Variants in ADGRB3 observed in about 807,000 individuals in gnomAD.
The protein encoded by ADGRB3 is brain-specific angiogenesis inhibitor 3.
Under a neutral mutation model 193.4 loss-of-function variants are expected in ADGRB3, and 37 were observed. That is an observed-to-expected ratio of 0.19 (90% confidence interval 0.15 to 0.25). ADGRB3 has a LOEUF of 0.25. Ranked by LOEUF, ADGRB3 falls within the 10% of genes least tolerant of loss-of-function variation. The probability of loss-of-function intolerance (pLI) is 1.00; values close to 1 mark genes in which losing one functional copy is unlikely to be tolerated. For missense variants in ADGRB3, 1,637 were observed against 1,852.9 expected (o/e 0.88, Z 2.14); for synonymous variants, 690 against 644.2 (o/e 1.07, Z -1.08).
chr6:68,914,999 A>T (rs1027766187), intron 3 of ADGRB3, among the ~76,000 whole-genome samples: 1 of 152,212 alleles, frequency 6.6e-6, no homozygotes, highest in Non-Finnish European at 1.5e-5. Context: ...TTCTCTGTTA[A>T]TCATATTTGA....
At chr6:69,169,557 GATTAA>G (rs1775220572) in intron 17 of ADGRB3, among the ~76,000 whole-genome samples, 1 of 149,468 alleles carries the variant, frequency 6.7e-6, no homozygotes, top group Non-Finnish European at 1.5e-5. Context: ...CACGAATTGT[GATTAA>G]ATTATCATTT....
intron 17 of ADGRB3, among the ~76,000 whole-genome samples, chr6:69,082,267 C>T (rs1772409382): frequency 6.6e-6 from 1 of 151,908 alleles, no homozygotes; most frequent in South Asian, 2.1e-4. Context: ...GATTATACAT[C>T]ATATTGAAGT....
intron 11 of ADGRB3, among the ~76,000 whole-genome samples, chr6:68,998,709 G>T (rs1582382465): frequency 6.6e-6 from 1 of 152,196 alleles, no homozygotes; most frequent in African/African-American, 2.4e-5. Context: ...AGTAAAAAGA[G>T]AAAAAACAAA....
chr6:68,922,792 C>A (rs1767080686), intron 3 of ADGRB3, among the ~76,000 whole-genome samples: 1 of 152,078 alleles, frequency 6.6e-6, no homozygotes, highest in African/African-American at 2.4e-5. Flanking sequence ...AACCTTCATC[C>A]CAGTTAAAAT....
At chr6:69,214,597 T>G (rs1765736053) in intron 17 of ADGRB3, among the ~76,000 whole-genome samples, 1 of 151,910 alleles carries the variant, frequency 6.6e-6, no homozygotes, top group South Asian at 2.1e-4. Context: ...CTACTTAGGT[T>G]TAAAATTACG....
At chr6:69,013,291 C>G (rs1758913479) in intron 11 of ADGRB3, among the ~76,000 whole-genome samples, 1 of 152,062 alleles carries the variant, frequency 6.6e-6, no homozygotes, top group African/African-American at 2.4e-5. Context: ...AAATGACCTT[C>G]CTGCATGAAA....
chr6:68,760,408 G>A (rs973147034), intron 3 of ADGRB3, among the ~76,000 whole-genome samples: 13 of 152,182 alleles, frequency 8.5e-5, no homozygotes, highest in Admixed American at 7.2e-4. Flanking sequence ...AATTAGAAAT[G>A]TATGGGAGGT....
chr6:68,930,698 ATTG>A, intron 4 of ADGRB3, 29 bp downstream of exon 4: 5 of 1,443,530 alleles, frequency 3.5e-6, no homozygotes, highest in Non-Finnish European at 4.8e-6. Flanking sequence ...TTTTCTATTT[ATTG>A]TTGTTAATTT....
At chr6:69,190,743 G>A (rs1409902523) in intron 17 of ADGRB3, among the ~76,000 whole-genome samples, 3 of 152,030 alleles carry the variant, frequency 2.0e-5, no homozygotes, top group Admixed American at 1.3e-4. Flanking sequence ...AGTCCTGCAA[G>A]CTCCCTTCAT....
chr6:69,387,908 T>A (rs1010803685), intron 31 of ADGRB3, among the ~76,000 whole-genome samples: 8 of 152,066 alleles, frequency 5.3e-5, no homozygotes, highest in African/African-American at 1.7e-4. Flanking sequence ...AACATGACAT[T>A]CTATAATGAA....
intron 20 of ADGRB3, among the ~76,000 whole-genome samples, chr6:69,321,492 T>C (rs1308383491): frequency 6.6e-6 from 1 of 151,746 alleles, no homozygotes; most frequent in Non-Finnish European, 1.5e-5. Flanking sequence ...AAGTTCAAAA[T>C]AGTGAGTCCA....
rs116122354 is a variant in ADGRB3 at position 68,780,759 on chromosome 6, G to A, written c.757+141327G>A. Among the ~76,000 whole-genome samples, 396 of 152,058 alleles carry A rather than the reference G, an allele frequency of 2.6e-3. 1 individual carries two copies. The highest frequency in any genetic ancestry group is 9.0e-3 in the African/African-American group (372 of 41,484). Reference sequence around the variant, plus strand: ...TGTAAAAATAGTACAGAGTTCCCTTGTATTCTTCACCCAGTTTCCCCCAAT... The same window carrying A: ...TGTAAAAATAGTACAGAGTTCCCTTATATTCTTCACCCAGTTTCCCCCAAT... On this transcript the variant is annotated intron_variant, in intron 3 of 31. Coordinates refer to ENST00000370598, the MANE Select transcript of ADGRB3 (RefSeq NM_001704.3).
chr6:68,729,685 G>T (rs10945138), intron 3 of ADGRB3, among the ~76,000 whole-genome samples: 63,312 of 151,286 alleles, frequency 0.42, 13,806 homozygotes, highest in East Asian at 0.65. Context: ...ATTATTGCTG[G>T]GTGGTTGTTG....
chr6:69,372,883 T>G (rs2127340741), intron 30 of ADGRB3, among the ~76,000 whole-genome samples: 2 of 152,172 alleles, frequency 1.3e-5, no homozygotes, highest in Middle Eastern at 6.8e-3. Flanking sequence ...CATGTTCTGA[T>G]TCCTGCTATT....
chr6:69,186,943 T>C (rs1029244507), intron 17 of ADGRB3, among the ~76,000 whole-genome samples: 1 of 142,390 alleles, frequency 7.0e-6, no homozygotes, highest in African/African-American at 2.7e-5. Flanking sequence ...TTTTGTTTTT[T>C]GTTTTTTTTT....
intron 3 of ADGRB3, among the ~76,000 whole-genome samples, chr6:68,734,896 A>G (rs1265805075): frequency 6.6e-6 from 1 of 152,170 alleles, no homozygotes; most frequent in African/African-American, 2.4e-5. Context: ...AGGACCTCCT[A>G]CTGAAAGAGT....
At chr6:68,932,021 A>G (rs943504700) in intron 4 of ADGRB3, among the ~76,000 whole-genome samples, 42 of 152,268 alleles carry the variant, frequency 2.8e-4, no homozygotes, top group Middle Eastern at 6.8e-3. Flanking sequence ...CAAATTTCCA[A>G]ATTTCTAAAT....
rs139475922 is a variant in ADGRB3, at chr6:68,811,706, A to G, written c.758-118853A>G. Among the ~76,000 whole-genome samples, 366 of 152,194 alleles carry G rather than the reference A, an allele frequency of 2.4e-3. 1 individual carries two copies. The highest frequency in any genetic ancestry group is 7.9e-3 in the African/African-American group (327 of 41,534). ...GCTGGTCTCAAACTCCTGGTCTCAA[A>G]TGATCCACCCGCTTTGGGCTCTCAG... On this transcript the variant is annotated intron_variant, in intron 3 of 31. Coordinates refer to ENST00000370598, the MANE Select transcript of ADGRB3 (RefSeq NM_001704.3).
chr6:68,704,742 C>A lies in ADGRB3; in HGVS notation c.757+65310C>A, dbSNP rs1036726211. 2.6e-5 allele frequency among the ~76,000 whole-genome samples: 4 copies of A among 152,180 alleles called. No individual in the cohort carries two copies. The South Asian group carries it at 8.3e-4, about 31-fold the overall frequency. On this transcript the variant is annotated intron_variant, in intron 3 of 31. Coordinates refer to ENST00000370598, the MANE Select transcript of ADGRB3 (RefSeq NM_001704.3). ...AATCTGTGAAAACCTTGCTTTGTGG[C>A]AAAGGGCTCCTTTTAGCAGGTAAAG...
Sources: allele counts gnomAD v4.1 joint callset (sites outside exome capture counted in the v4.1 genomes callset), GRCh38; gene constraint gnomAD v4.1.1; transcripts MANE v1.5; gene names NCBI Gene and HGNC (gene_info 2026-07-23, HGNC 2026-07-21).